PLCXD3: variants seen among roughly 807,000 people sequenced by gnomAD.
The protein encoded by PLCXD3 is phosphatidylinositol specific phospholipase C X domain containing 3.
PLCXD3 carries 19 observed loss-of-function variants against 25.5 expected under a neutral mutation model. The ratio of observed to expected loss-of-function variants is 0.75; its 90% CI spans 0.52 to 1.09. PLCXD3 has a LOEUF of 1.09. Among genes scored for constraint, PLCXD3 ranks in the 50% least tolerant of loss-of-function variants. PLCXD3 has a pLI of 0.00. For missense variants in PLCXD3, 411 were observed against 388.1 expected, an observed-to-expected ratio of 1.06 and a Z score of -0.50; for synonymous variants, 174 against 137.6, an observed-to-expected ratio of 1.26 and a Z score of -1.85.
At chr5:41,391,009 G>A (rs1745798454) in intron 1 of PLCXD3, among the ~76,000 whole-genome samples, 1 of 152,184 alleles carries the variant, frequency 6.6e-6, no homozygotes, top group Admixed American at 6.5e-5. Flanking sequence ...TCCTAAGGGA[G>A]CATTTAAAAT....
intron 1 of PLCXD3, among the ~76,000 whole-genome samples, chr5:41,403,398 G>GTTTTTTTTTTTTTTTTTTTTTTTTT (rs764950342): frequency 1.8e-4 from 6 of 33,992 alleles, no homozygotes; most frequent in East Asian, 3.6e-4. Flanking sequence ...TGACTTATTT[G>GTTTTTTTTTTTTTTTTTTTTTTTTT]TTGTTTTTTT....
chr5:41,488,525 A>G (rs1748574705), intron 1 of PLCXD3, among the ~76,000 whole-genome samples: 1 of 136,342 alleles, frequency 7.3e-6, no homozygotes, highest in African/African-American at 3.0e-5. Flanking sequence ...CAAGGGTTGA[A>G]CTAGTTTACA....
intron 2 of PLCXD3, among the ~76,000 whole-genome samples, chr5:41,377,600 T>G (rs1283664474): frequency 6.6e-6 from 1 of 151,940 alleles, no homozygotes; most frequent in Non-Finnish European, 1.5e-5. Context: ...TAAAAATAGG[T>G]CTTTAAGAAA....
chr5:41,320,446 T>C (rs1023092193), intron 2 of PLCXD3, among the ~76,000 whole-genome samples: 2 of 152,262 alleles, frequency 1.3e-5, no homozygotes, highest in Non-Finnish European at 2.9e-5. Flanking sequence ...GATTCATCCC[T>C]GGGATGCAAG....
chr5:41,440,447 G>T (rs1186606708), intron 1 of PLCXD3, among the ~76,000 whole-genome samples: 1 of 151,624 alleles, frequency 6.6e-6, no homozygotes, highest in African/African-American at 2.4e-5. Flanking sequence ...TGGCCAGGCT[G>T]GTCTTGAACT....
At chr5:41,456,346 T>A (rs1747752542) in intron 1 of PLCXD3, among the ~76,000 whole-genome samples, 1 of 151,948 alleles carries the variant, frequency 6.6e-6, no homozygotes, top group South Asian at 2.1e-4. Context: ...AAAACATAAA[T>A]ATCCATCATA....
At chr5:41,486,934 TCCC>T (rs906043172) in intron 1 of PLCXD3, among the ~76,000 whole-genome samples, 142 of 152,188 alleles carry the variant, frequency 9.3e-4, no homozygotes, top group African/African-American at 3.4e-3. Context: ...ATGGCATGAA[TCCC>T]CCAACCGTTT....
rs571750954 is a variant in PLCXD3 at position 41,510,576 on chromosome 5, T to G, written c.-50A>C. ...TGGTCCCAGCACTCCTCGGGCAGGC[T>G]GGCAGGCTGCTGCCGCTAATCCAAT... On this transcript the variant is annotated 5_prime_UTR_variant, in exon 1 of 3. Transcript: ENST00000377801. 6.8e-7 allele frequency: 1 copy of G among 1,467,796 alleles called. No individual in the cohort carries two copies. The highest frequency in any genetic ancestry group is 1.8e-5 in the Admixed American group (1 of 56,868). The allele number at this position is 1,467,796 out of a possible 1,614,324, so 90.9% of individuals were successfully genotyped here.
rs1747220658 is a variant in PLCXD3, at chr5:41,435,286, A to G, written c.104-52752T>C. ...GTATGGTTCTACCACAATTTGTATA[A>G]CTACTAATCCCATGTGGAGGAAATT... On this transcript the variant is annotated intron_variant, in intron 1 of 2. Transcript: ENST00000377801. 5.3e-5 allele frequency among the ~76,000 whole-genome samples: 8 copies of G among 152,322 alleles called. No individual in the cohort carries two copies. The South Asian group carries it at 1.4e-3, about 28-fold the overall frequency.
In PLCXD3 at chr5:41,384,731, A is replaced by G. The variant is rs573612772; in HGVS notation, c.104-2197T>C. Among the ~76,000 whole-genome samples, 11 of 152,268 alleles carry G rather than the reference A, an allele frequency of 7.2e-5. No individual in the cohort carries two copies. The East Asian group carries it at 2.1e-3, about 29-fold the overall frequency. On this transcript the variant is annotated intron_variant, in intron 1 of 2. Coordinates refer to ENST00000377801, the MANE Select transcript of PLCXD3 (RefSeq NM_001005473.3). ...AAAGGCAAGGAAATCACCACTTTTG[A>G]AAACACTGTGAAAGGATATTATACT...
intron 1 of PLCXD3, among the ~76,000 whole-genome samples, chr5:41,492,032 A>G (rs542303588): frequency 2.0e-5 from 3 of 152,308 alleles, no homozygotes; most frequent in Admixed American, 2.0e-4. Flanking sequence ...CCTAGCCTCG[A>G]TGGTCTTTAC....
rs71608605 is a variant in PLCXD3, at chr5:41,372,298, TCACACACACACACACACACA to T, written c.812+9508_812+9527del. Among the ~76,000 whole-genome samples the T allele has an allele frequency of 3.5e-3, 393 of 110,784 alleles. 3 individuals are homozygous for T. The highest frequency in any genetic ancestry group is 0.015 in the African/African-American group (371 of 24,338). The allele number at this position is 110,784 out of a possible 152,430, so 72.7% of individuals were successfully genotyped here. A position where few individuals can be genotyped will look rare whatever the true frequency, so the allele number is the denominator to read the frequency against. On this transcript the variant is annotated intron_variant, in intron 2 of 2. Coordinates refer to ENST00000377801, the MANE Select transcript of PLCXD3 (RefSeq NM_001005473.3). ...TTCATTCTCTCTCTCTCTCTCTCTC[TCACACACACACACACACACA>T]CACACACACACACACACACACACAC...
At chr5:41,316,513 G>C (rs57815183) in intron 2 of PLCXD3, among the ~76,000 whole-genome samples, 2 of 152,060 alleles carry the variant, frequency 1.3e-5, no homozygotes, top group Non-Finnish European at 2.9e-5. Context: ...TGCACCTTTG[G>C]TACCAACACT....
chr5:41,475,045 C>T (rs1399587537), intron 1 of PLCXD3, among the ~76,000 whole-genome samples: 1 of 152,216 alleles, frequency 6.6e-6, no homozygotes, highest in African/African-American at 2.4e-5. Context: ...CCTCCCTTTC[C>T]TGTTCACCAC....
At chr5:41,429,432 T>C (rs1258557353) in intron 1 of PLCXD3, among the ~76,000 whole-genome samples, 2 of 151,954 alleles carry the variant, frequency 1.3e-5, no homozygotes, top group Admixed American at 6.6e-5. Context: ...GAGACATTAA[T>C]AATGTTATGT....
chr5:41,407,504 C>T (rs1746387037), intron 1 of PLCXD3, among the ~76,000 whole-genome samples: 1 of 152,152 alleles, frequency 6.6e-6, no homozygotes, highest in South Asian at 2.1e-4. Flanking sequence ...GAGACAAAGA[C>T]CAGCCATTGA....
At chr5:41,423,285 G>GACCAAAGTAT (rs1746872676) in intron 1 of PLCXD3, among the ~76,000 whole-genome samples, 2 of 152,038 alleles carry the variant, frequency 1.3e-5, no homozygotes, top group Non-Finnish European at 2.9e-5. Flanking sequence ...TCTAAATGCT[G>GACCAAAGTAT]TGTTTTGTGG....
At chr5:41,380,985 C>A (rs749647383) in intron 2 of PLCXD3, among the ~76,000 whole-genome samples, 43 of 152,198 alleles carry the variant, frequency 2.8e-4, no homozygotes, top group Non-Finnish European at 5.0e-4. Flanking sequence ...GGTAACCATT[C>A]CTTATAAGGC....
intron 2 of PLCXD3, among the ~76,000 whole-genome samples, chr5:41,381,166 G>A (rs973176561): frequency 1.3e-5 from 2 of 152,006 alleles, no homozygotes; most frequent in African/African-American, 4.8e-5. Context: ...CATTTCAAAT[G>A]GAATTAGGGA....
Sources: allele counts gnomAD v4.1 joint callset (sites outside exome capture counted in the v4.1 genomes callset), GRCh38; gene constraint gnomAD v4.1.1; transcripts MANE v1.5; gene names NCBI Gene and HGNC (gene_info 2026-07-23, HGNC 2026-07-21).